The following ETV6 variants were observed in gnomAD, a reference collection of about 807,000 sequenced individuals.
The protein encoded by ETV6 is transcription factor ETV6.
In ETV6, 16 loss-of-function variants were observed where a neutral mutation model predicts 51.1. The observed-to-expected ratio is 0.31, with a 90% CI of 0.21 to 0.48. The LOEUF is 0.48. Among genes scored for constraint, ETV6 ranks in the 20% least tolerant of loss-of-function variants. The pLI, the probability that ETV6 is intolerant of heterozygous loss-of-function variation, is 0.99. For synonymous variants in ETV6, 240 were observed against 224.1 expected (o/e 1.07, Z -0.64); for missense variants, 458 against 594.8 (o/e 0.77, Z 2.39).
intron 1 of ETV6, among the ~76,000 whole-genome samples, chr12:11,718,454 C>T (rs1443990508): frequency 6.6e-6 from 1 of 152,008 alleles, no homozygotes; most frequent in Non-Finnish European, 1.5e-5. Flanking sequence ...TCAAGATAGC[C>T]ACAGCAGAGC....
Position 11,763,829 on chromosome 12 carries a change from G to A in ETV6, c.163+11250G>A, listed in dbSNP as rs893000544. Among the ~76,000 whole-genome samples, 3 of 152,206 alleles carry A rather than the reference G, an allele frequency of 2.0e-5. No homozygotes were observed. In the East Asian group the frequency reaches 5.8e-4, roughly 29 times the overall value. On this transcript the variant is annotated intron_variant, in intron 2 of 7. Transcript: ENST00000396373. ...GTCTGGTACTTCTTTGTTTGCTAAA[G>A]GAGTATTGAGATTCAGAAAGTGGCT...
Position 11,895,368 on chromosome 12 carries a change from A to C in ETV6, c.*4322A>C, listed in dbSNP as rs551071027. The C allele has an allele frequency of 1.3e-5, 3 of 226,776 alleles. No homozygotes were observed. The highest frequency in any genetic ancestry group is 4.6e-5 in the African/African-American group (2 of 43,520). The allele number at this position is 226,776 out of a possible 1,614,324, so 14.0% of individuals were successfully genotyped here. On this transcript the variant is annotated 3_prime_UTR_variant, in exon 8 of 8. Coordinates refer to ENST00000396373, the MANE Select transcript of ETV6 (RefSeq NM_001987.5). ...TTTTTAAAGAAAAGCCTATAATTAC[A>C]TCATCTCAATAAATTTTTTATAAAA...
chr12:11,807,239 G>A (rs1020381922), intron 2 of ETV6, among the ~76,000 whole-genome samples: 10 of 152,202 alleles, frequency 6.6e-5, no homozygotes, highest in East Asian at 1.9e-4. Flanking sequence ...AGAAGCAGGC[G>A]TCTACTTAAT....
Position 11,891,213 on chromosome 12 carries a change from T to A in ETV6, c.*167T>A. On this transcript the variant is annotated 3_prime_UTR_variant, in exon 8 of 8. Transcript: ENST00000396373. ...GACCAAGAGGGACCCTGGAGCACCT[T>A]AGACAAACTACCCAGCACAGGCGGG... 5.2e-6 allele frequency: 3 copies of A among 576,442 alleles called. No homozygotes were observed. Among genetic ancestry groups the A allele is most frequent in the Non-Finnish European group, 9.3e-6 (3 of 323,482 alleles). 35.7% of individuals were successfully genotyped at this position (576,442 alleles called of 1,614,324 possible). A position where few individuals can be genotyped will look rare whatever the true frequency, so the allele number is the denominator to read the frequency against.
chr12:11,754,821 T>C (rs1287649546), intron 2 of ETV6, among the ~76,000 whole-genome samples: 3 of 152,270 alleles, frequency 2.0e-5, no homozygotes, highest in Non-Finnish European at 2.9e-5. Context: ...CTAATATTTA[T>C]CACGGGATTA....
intron 2 of ETV6, among the ~76,000 whole-genome samples, chr12:11,820,758 C>T (rs577915023): frequency 6.6e-6 from 1 of 152,254 alleles, no homozygotes; most frequent in African/African-American, 2.4e-5. Flanking sequence ...TTGTAAAGAC[C>T]TTGGCATGAA....
intron 2 of ETV6, among the ~76,000 whole-genome samples, chr12:11,796,461 C>T (rs965490578): frequency 6.6e-6 from 1 of 152,166 alleles, no homozygotes; most frequent in South Asian, 2.1e-4. Flanking sequence ...TTGTCAATGG[C>T]AGAGTGAATG....
intron 3 of ETV6, among the ~76,000 whole-genome samples, chr12:11,846,741 C>G (rs1273682163): frequency 6.6e-6 from 1 of 152,212 alleles, no homozygotes; most frequent in Non-Finnish European, 1.5e-5. Flanking sequence ...AGCCTCACAG[C>G]CATTCATTCA....
intron 2 of ETV6, among the ~76,000 whole-genome samples, chr12:11,776,366 A>G (rs1207021640): frequency 2.0e-5 from 3 of 152,176 alleles, no homozygotes; most frequent in African/African-American, 4.8e-5. Flanking sequence ...GATTTTTAGA[A>G]TAATAAAATA....
At chr12:11,770,460 C>T (rs768037257) in intron 2 of ETV6, among the ~76,000 whole-genome samples, 15 of 152,060 alleles carry the variant, frequency 9.9e-5, no homozygotes, top group Non-Finnish European at 1.9e-4. Context: ...CATCCTGAAG[C>T]CTGGGGGTTC....
chr12:11,809,081 A>T (rs1945872386), intron 2 of ETV6, among the ~76,000 whole-genome samples: 1 of 151,448 alleles, frequency 6.6e-6, no homozygotes, highest in African/African-American at 2.4e-5. Context: ...TGGGAGAATG[A>T]CCTGCGCTCA....
chr12:11,724,612 C>T (rs912626935), intron 1 of ETV6, among the ~76,000 whole-genome samples: 2 of 152,110 alleles, frequency 1.3e-5, no homozygotes, highest in South Asian at 2.1e-4. Flanking sequence ...TTTATTTGTG[C>T]TCTGTGTATC....
chr12:11,777,117 G>T (rs1371918149), intron 2 of ETV6, among the ~76,000 whole-genome samples: 2 of 151,780 alleles, frequency 1.3e-5, no homozygotes, highest in Non-Finnish European at 2.9e-5. Flanking sequence ...GCAGGTGCCT[G>T]TAGTCCCAGC....
At chr12:11,706,716 G>A (rs1865078937) in intron 1 of ETV6, among the ~76,000 whole-genome samples, 1 of 152,244 alleles carries the variant, frequency 6.6e-6, no homozygotes, top group Non-Finnish European at 1.5e-5. Context: ...TGCCCTTGCA[G>A]GGCCCGACTG....
At chr12:11,802,885 C>T (rs568668431) in intron 2 of ETV6, among the ~76,000 whole-genome samples, 2 of 152,316 alleles carry the variant, frequency 1.3e-5, no homozygotes, top group South Asian at 4.1e-4. Context: ...TGAATTTTCT[C>T]TAGTGACCTA....
intron 2 of ETV6, among the ~76,000 whole-genome samples, chr12:11,812,160 T>G (rs1591690666): frequency 1.3e-5 from 2 of 152,200 alleles, no homozygotes; most frequent in Non-Finnish European, 2.9e-5. Flanking sequence ...TTTTATTATG[T>G]TTCTGCTCAT....
chr12:11,861,160 C>T (rs966189203), intron 4 of ETV6, among the ~76,000 whole-genome samples: 1 of 152,072 alleles, frequency 6.6e-6, no homozygotes, highest in Admixed American at 6.6e-5. Context: ...TTTTGCAGCC[C>T]TTTCTGTTCT....
At chr12:11,878,960 G>C (rs2855712) in intron 5 of ETV6, among the ~76,000 whole-genome samples, 54,383 of 151,702 alleles carry the variant, frequency 0.36, 10,593 homozygotes, top group East Asian at 0.64. Flanking sequence ...TATTGTAAGA[G>C]ATTCAGCAGC....
chr12:11,724,442 A>T (rs1040711485), intron 1 of ETV6, among the ~76,000 whole-genome samples: 3 of 152,100 alleles, frequency 2.0e-5, no homozygotes, highest in African/African-American at 7.2e-5. Flanking sequence ...ATGCGGTGTG[A>T]TTTTCAAGGG....
Sources: allele counts gnomAD v4.1 joint callset (sites outside exome capture counted in the v4.1 genomes callset), GRCh38; gene constraint gnomAD v4.1.1; transcripts MANE v1.5; gene names NCBI Gene and HGNC (gene_info 2026-07-23, HGNC 2026-07-21).